CCPG1: variants seen among roughly 807,000 people sequenced by gnomAD.
The protein encoded by CCPG1 is cell cycle progression protein 1.
In CCPG1, 46 loss-of-function variants were observed where a neutral mutation model predicts 81.3. The ratio of observed to expected loss-of-function variants is 0.57; its 90% CI spans 0.45 to 0.72. CCPG1 has a LOEUF of 0.72. Among genes scored for constraint, CCPG1 ranks in the 30% least tolerant of loss-of-function variants. CCPG1 has a pLI of 0.00. For synonymous variants in CCPG1, 330 were observed against 305.2 expected, an observed-to-expected ratio of 1.08 and a Z score of -0.85; for missense variants, 902 against 937.6, an observed-to-expected ratio of 0.96 and a Z score of 0.50.
At chr15:55,369,825 G>A (rs1187344983) in intron 6 of CCPG1, among the ~76,000 whole-genome samples, 1 of 152,124 alleles carries the variant, frequency 6.6e-6, no homozygotes, top group African/African-American at 2.4e-5. Flanking sequence ...CAAAGGTCAT[G>A]TAAATGGTGA....
chr15:55,392,967 G>A (rs28802286), intron 1 of CCPG1, among the ~76,000 whole-genome samples: 35,505 of 152,060 alleles, frequency 0.23, 5,267 homozygotes, highest in Non-Finnish European at 0.34. Context: ...AGCCGGGCAT[G>A]GTGGCAAGCA....
At chr15:55,380,100 T>TAAA (rs374941554) in intron 3 of CCPG1, among the ~76,000 whole-genome samples, 4 of 130,802 alleles carry the variant, frequency 3.1e-5, no homozygotes, top group South Asian at 2.4e-4. Flanking sequence ...AACTCTGTCT[T>TAAA]AAAAAAAAAA....
chr15:55,376,933 A>G lies in CCPG1; in HGVS notation c.454+16T>C. On this transcript the variant is annotated intron_variant, in intron 5 of 8. Transcript: ENST00000442196. Reference sequence around the variant, plus strand: ...GGTCGTACATGTCTTTAAGTCTCTTATCAGTGTATTCTTACCAGTTTCTGG... The same window carrying G: ...GGTCGTACATGTCTTTAAGTCTCTTGTCAGTGTATTCTTACCAGTTTCTGG... 6.3e-7 allele frequency: 1 copy of G among 1,585,478 alleles called. No individual in the cohort carries two copies. Among genetic ancestry groups the G allele is most frequent in the Non-Finnish European group, 8.6e-7 (1 of 1,156,852 alleles).
At chr15:55,374,100 A>G (rs1224433212) in intron 5 of CCPG1, 4 of 996,822 alleles carry the variant, frequency 4.0e-6, no homozygotes, top group Admixed American at 4.7e-5. Flanking sequence ...GTAAATAGTA[A>G]ATGTGACTAG....
intron 4 of CCPG1, among the ~76,000 whole-genome samples, chr15:55,377,580 T>C (rs2056593316): frequency 6.6e-6 from 1 of 151,234 alleles, no homozygotes; most frequent in Non-Finnish European, 1.5e-5. Flanking sequence ...TCTGAAGGTG[T>C]CCCCACAAAT....
Position 55,359,756 on chromosome 15 carries a change from G to A in CCPG1, c.2017C>T (p.His673Tyr). The A allele has an allele frequency of 1.2e-6, 2 of 1,613,270 alleles. No individual in the cohort carries two copies. Among genetic ancestry groups the A allele is most frequent in the Non-Finnish European group, 1.7e-6 (2 of 1,179,858 alleles). ...YMLKELDTFC[H>Y]WNELDQFINK... ...ATGAACTGATCAAGTTCGTTCCAGT[G>A]ACAAAAAGTATCCAGTTCTTTTAAC... Residue 673 changes from histidine (H) to tyrosine (Y), a missense_variant, in exon 8 of 9, where the codon CAC (histidine) becomes TAC (tyrosine). His to Tyr is a moderately conservative substitution (Grantham distance 83). Transcript: ENST00000442196.
chr15:55,399,123 G>A (rs368484566), intron 1 of CCPG1, among the ~76,000 whole-genome samples: 1 of 152,094 alleles, frequency 6.6e-6, no homozygotes, highest in Non-Finnish European at 1.5e-5. Flanking sequence ...GCCAGCTGGT[G>A]CCCAGTGCCA....
chr15:55,372,080 A>G (rs1174076815), intron 5 of CCPG1, 36 bp from the exon 6 acceptor site: 2 of 1,586,456 alleles, frequency 1.3e-6, no homozygotes, highest in East Asian at 4.5e-5. Flanking sequence ...GCTATTCAAA[A>G]TCTTGGAAAA....
intron 1 of CCPG1, among the ~76,000 whole-genome samples, chr15:55,392,165 A>C: frequency 6.6e-6 from 1 of 152,152 alleles, no homozygotes; most frequent in Admixed American, 6.5e-5. Flanking sequence ...AATAAAAAAT[A>C]AAAAAGACAA....
At chr15:55,365,407 AGTC>A in intron 6 of CCPG1, 98 bp from the exon 7 acceptor site, 1 of 670,020 alleles carries the variant, frequency 1.5e-6, no homozygotes, top group Non-Finnish European at 2.5e-6. Flanking sequence ...TAAGCTATGT[AGTC>A]TTTTTTTTGT....
intron 1 of CCPG1, among the ~76,000 whole-genome samples, chr15:55,394,961 T>C (rs2056987595): frequency 6.6e-6 from 1 of 152,150 alleles, no homozygotes; most frequent in Admixed American, 6.6e-5. Context: ...ATTTCTTCTC[T>C]GCTATATAGA....
intron 1 of CCPG1, among the ~76,000 whole-genome samples, chr15:55,392,575 C>T (rs2141324195): frequency 6.6e-6 from 1 of 152,020 alleles, no homozygotes; most frequent in East Asian, 1.9e-4. Context: ...GGCTGGAGGG[C>T]AGTGACATGA....
rs2056071479 is a variant in CCPG1 at position 55,356,038 on chromosome 15, A to T, written c.*182T>A. On this transcript the variant is annotated 3_prime_UTR_variant, in exon 9 of 9. Transcript: ENST00000442196. ...AAATTCAACGAAGCTAAACTACAGGAAAATGCAGGTTAGTAGACTTTTAAC... is the reference window on the plus strand; with the variant it reads ...AAATTCAACGAAGCTAAACTACAGGTAAATGCAGGTTAGTAGACTTTTAAC... 1 of 546,648 alleles carries T rather than the reference A, an allele frequency of 1.8e-6. No individual in the cohort carries two copies. The highest frequency in any genetic ancestry group is 2.0e-5 in the African/African-American group (1 of 50,212). The allele number at this position is 546,648 out of a possible 1,614,324, so 33.9% of individuals were successfully genotyped here.
intron 1 of CCPG1, among the ~76,000 whole-genome samples, chr15:55,403,391 T>C (rs1009955844): frequency 4.0e-5 from 6 of 149,484 alleles, no homozygotes; most frequent in African/African-American, 1.5e-4. Context: ...AGAATAGTGA[T>C]TTGGATAAGT....
intron 3 of CCPG1, among the ~76,000 whole-genome samples, chr15:55,380,741 G>A (rs1412958966): frequency 1.3e-5 from 2 of 152,018 alleles, no homozygotes; most frequent in African/African-American, 2.4e-5. Flanking sequence ...GGGGCCAGGC[G>A]CGGTGACTCA....
rs866222467 is a variant in CCPG1, at chr15:55,375,719, G to A, written c.454+1230C>T. Among the ~76,000 whole-genome samples the A allele has an allele frequency of 4.9e-5, 7 of 143,270 alleles. No homozygotes were observed. In the South Asian group the frequency reaches 1.5e-3, roughly 31 times the overall value. The allele number at this position is 143,270 out of a possible 152,430, so 94.0% of individuals were successfully genotyped here. A position where few individuals can be genotyped will look rare whatever the true frequency, so the allele number is the denominator to read the frequency against. ...TTTTTTTTTTTTGAGACAGGATCCTGCTCTGTCACCCAGGTTGGCAATCTG... is the reference window on the plus strand; with the variant it reads ...TTTTTTTTTTTTGAGACAGGATCCTACTCTGTCACCCAGGTTGGCAATCTG... On this transcript the variant is annotated intron_variant, in intron 5 of 8. Coordinates refer to ENST00000442196, the MANE Select transcript of CCPG1 (RefSeq NM_001204450.2).
chr15:55,398,259 A>G (rs2057060145), intron 1 of CCPG1: 1 of 152,052 alleles, frequency 6.6e-6, no homozygotes, highest in South Asian at 2.1e-4. Context: ...GGGTAGCTAC[A>G]TTTTACTATG....
intron 2 of CCPG1, among the ~76,000 whole-genome samples, chr15:55,386,779 C>T (rs1385483104): frequency 6.6e-6 from 1 of 151,842 alleles, no homozygotes; most frequent in African/African-American, 2.4e-5. Context: ...CGCCTGTAGT[C>T]CCAGCTACTC....
At chr15:55,371,053 C>T (rs952513510) in intron 6 of CCPG1, among the ~76,000 whole-genome samples, 6 of 152,090 alleles carry the variant, frequency 3.9e-5, no homozygotes, top group Admixed American at 3.9e-4. Context: ...GTGGAGTTTG[C>T]ATTGAGCTGA....
Sources: allele counts gnomAD v4.1 joint callset (sites outside exome capture counted in the v4.1 genomes callset), GRCh38; gene constraint gnomAD v4.1.1; transcripts MANE v1.5; gene names NCBI Gene and HGNC (gene_info 2026-07-23, HGNC 2026-07-21).